The following PLA2G6 variants were observed in gnomAD, a reference collection of about 807,000 sequenced individuals.
PLA2G6 encodes the protein phospholipase A2 group VI.
A neutral mutation model predicts 83.8 loss-of-function variants in PLA2G6; 62 were observed. The ratio of observed to expected loss-of-function variants is 0.74; its 90% CI spans 0.60 to 0.91. PLA2G6 has a LOEUF of 0.91. Ranked by LOEUF, PLA2G6 falls within the 40% of genes least tolerant of loss-of-function variation. The pLI, the probability that PLA2G6 is intolerant of heterozygous loss-of-function variation, is 0.00. For missense variants in PLA2G6, 944 were observed against 1,102.0 expected, an observed-to-expected ratio of 0.86 and a Z score of 2.03; for synonymous variants, 417 against 449.8, an observed-to-expected ratio of 0.93 and a Z score of 0.92.
Position 38,116,349 on chromosome 22 carries a change from G to A in PLA2G6, c.1743-138C>T, listed in dbSNP as rs768145437. ...GTTCGGGATAGGTGGGCTTCTCCCC[G>A]CACCATCCCCGCAAAACAGGCTCTC... On this transcript the variant is annotated intron_variant, in intron 12 of 16. Coordinates refer to ENST00000332509, the MANE Select transcript of PLA2G6 (RefSeq NM_003560.4). 3.9e-5 allele frequency: 36 copies of A among 932,130 alleles called. No homozygotes were observed. In the African/African-American group the frequency reaches 4.1e-4, roughly 11 times the overall value. The allele number at this position is 932,130 out of a possible 1,614,324, so 57.7% of individuals were successfully genotyped here. A position where few individuals can be genotyped will look rare whatever the true frequency, so the allele number is the denominator to read the frequency against.
At chr22:38,165,258 G>A (rs1250024966) in intron 2 of PLA2G6, among the ~76,000 whole-genome samples, 4 of 152,166 alleles carry the variant, frequency 2.6e-5, no homozygotes, top group Non-Finnish European at 5.9e-5. Context: ...TCTACGCCAG[G>A]CACCTGCTGG....
rs1165175973 is a variant in PLA2G6 at position 38,120,463 on chromosome 22, GGGCAGGGCAGAGCCAGGCAGGGCAGAGCC to G, written c.1742+267_1742+295del. The stretch of plus-strand genomic sequence containing the variant: ...CCAGGCAAGCCCCAGACCCCTGGCC[GGGCAGGGCAGAGCCAGGCAGGGCAGAGCC>G]GGCAGGGCAGAGCCGGGCAGGGCAG... On this transcript the variant is annotated intron_variant, in intron 12 of 16. Transcript: ENST00000332509. Among the ~76,000 whole-genome samples, 305 of 149,850 alleles carry G rather than the reference GGGCAGGGCAGAGCCAGGCAGGGCAGAGCC, an allele frequency of 2.0e-3. 1 individual carries two copies. Among genetic ancestry groups the G allele is most frequent in the African/African-American group, 7.1e-3 (291 of 41,074 alleles).
intron 9 of PLA2G6, chr22:38,126,767 C>T (rs1477308416): frequency 2.0e-5 from 8 of 409,462 alleles, no homozygotes; most frequent in South Asian, 4.4e-5. Context: ...AATACCCTTG[C>T]GTGTCCTCTT....
chr22:38,112,433 G>C (rs1482981518), intron 16 of PLA2G6, 71 bp downstream of exon 16: 1 of 1,501,616 alleles, frequency 6.7e-7, no homozygotes, highest in African/African-American at 1.4e-5. Context: ...CACTAGGGCT[G>C]GGAGGGGAAG....
rs121908680 is a variant in PLA2G6, at chr22:38,112,212, A to C, written c.2370T>G (p.Tyr790Ter). ...GCTTCTGGAACTCCTCGCGGTGCTCATAGATGTAGACCTCGGTCTCCCAGA... is the reference window on the plus strand; with the variant it reads ...GCTTCTGGAACTCCTCGCGGTGCTCCTAGATGTAGACCTCGGTCTCCCAGA... ...NALWETEVYI[Y>*]EHREEFQKLI... The change falls in exon 17 of 17, where the codon TAT becomes TAG. Residue 790 changes from tyrosine to a stop codon, truncating the protein, a stop_gained. Coordinates refer to ENST00000332509, the MANE Select transcript of PLA2G6 (RefSeq NM_003560.4). LOFTEE classifies it high-confidence loss of function. 1.2e-4 allele frequency: 197 copies of C among 1,609,764 alleles called. No individual in the cohort carries two copies. The highest frequency in any genetic ancestry group is 1.7e-4 in the Middle Eastern group (1 of 6,028).
chr22:38,152,640 C>T (rs946669043), intron 2 of PLA2G6, among the ~76,000 whole-genome samples: 1 of 152,160 alleles, frequency 6.6e-6, no homozygotes, highest in Non-Finnish European at 1.5e-5. Context: ...ACAAATAAAA[C>T]CTCTTTTCTA....
intron 5 of PLA2G6, chr22:38,139,336 A>G (rs1184691160): frequency 6.6e-6 from 1 of 152,200 alleles, no homozygotes; most frequent in Non-Finnish European, 1.5e-5. Context: ...GAGACCCCAA[A>G]GAGGGCTAAG....
Position 38,128,787 on chromosome 22 carries a change from G to C in PLA2G6, c.1187-357C>G, listed in dbSNP as rs956694183. ...TAAGTGATAGTTCAGGGTTCCAAAGGGACTAATGAGCCAGCCAGGGGGCAC... is the reference window on the plus strand; with the variant it reads ...TAAGTGATAGTTCAGGGTTCCAAAGCGACTAATGAGCCAGCCAGGGGGCAC... On this transcript the variant is annotated intron_variant, in intron 8 of 16. Coordinates refer to ENST00000332509, the MANE Select transcript of PLA2G6 (RefSeq NM_003560.4). The surrounding 1 kb of genome is among the most constrained non-coding windows in gnomAD (Gnocchi z 4.4). Among the ~76,000 whole-genome samples the C allele has an allele frequency of 1.2e-4, 19 of 152,228 alleles. No individual in the cohort carries two copies. The highest frequency in any genetic ancestry group is 3.9e-4 in the African/African-American group (16 of 41,452).
At chr22:38,115,920 C>T in intron 13 of PLA2G6, 155 bp downstream of exon 13, 3 of 1,451,816 alleles carry the variant, frequency 2.1e-6, no homozygotes, top group Admixed American at 2.0e-5. Context: ...TGACAGCTCC[C>T]CCGCAATCCC....
chr22:38,143,689 G>C, intron 3 of PLA2G6: 1 of 359,368 alleles, frequency 2.8e-6, no homozygotes, highest in Admixed American at 3.8e-5. Flanking sequence ...ATGGTGAGAT[G>C]AGACAGTGCT....
intron 1 of PLA2G6, among the ~76,000 whole-genome samples, chr22:38,176,760 G>A (rs1385570256): frequency 2.6e-5 from 4 of 152,154 alleles, no homozygotes; most frequent in East Asian, 1.9e-4. Flanking sequence ...AGGCGCAGCC[G>A]GGCGCGGTGG....
At chr22:38,170,255 A>G (rs998033867) in intron 1 of PLA2G6, among the ~76,000 whole-genome samples, 1 of 151,656 alleles carries the variant, frequency 6.6e-6, no homozygotes, top group African/African-American at 2.4e-5. Context: ...AACAAAATCA[A>G]TGTCCCCCCT....
In PLA2G6 at chr22:38,157,271, A is replaced by C. The variant is rs530870210; in HGVS notation, c.210-11618T>G. 3.3e-5 allele frequency among the ~76,000 whole-genome samples: 5 copies of C among 152,298 alleles called. 1 individual carries two copies. The South Asian group carries it at 1.0e-3, about 32-fold the overall frequency. On this transcript the variant is annotated intron_variant, in intron 2 of 16. Coordinates refer to ENST00000332509, the MANE Select transcript of PLA2G6 (RefSeq NM_003560.4). ...ACAAAAAAATCAGAAATGACAAAAG[A>C]GATATTACAACCAATATCACAGAAA...
At chr22:38,157,581 A>G (rs1011282474) in intron 2 of PLA2G6, among the ~76,000 whole-genome samples, 2 of 152,362 alleles carry the variant, frequency 1.3e-5, no homozygotes, top group East Asian at 3.9e-4. Context: ...AACAGAGGAG[A>G]GAAAACTTCC....
At chr22:38,178,083 C>A (rs1465411228) in intron 1 of PLA2G6, among the ~76,000 whole-genome samples, 1 of 152,178 alleles carries the variant, frequency 6.6e-6, no homozygotes. Context: ...CTCCGCTTGG[C>A]TGGACCACAG....
chr22:38,113,825 G>A (rs768195409), intron 14 of PLA2G6, 171 bp from the exon 15 acceptor site: 9 of 714,940 alleles, frequency 1.3e-5, no homozygotes, highest in Admixed American at 1.0e-4. Context: ...CCTCTTGCAC[G>A]TGACCCCAGA....
rs151108668 is a variant in PLA2G6, at chr22:38,123,139, G to A, written c.1547C>T (p.Ala516Val). 6.5e-6 allele frequency: 10 copies of A among 1,549,946 alleles called. No homozygotes were observed. Among genetic ancestry groups the A allele is most frequent in the African/African-American group, 1.4e-5 (1 of 73,104 alleles). Reference protein sequence around the residue: ...VATKDLFDWVAGTSTGGILAL... With the variant: ...VATKDLFDWVVGTSTGGILAL... ...CAGGATGCCTCCAGTGCTGGTGCCC[G>A]CCACCCAGTCAAACAGGTCCTTGGT... Residue 516 changes from alanine (A) to valine (V), a missense_variant, in exon 11 of 17, where the codon GCG (alanine) becomes GTG (valine). Ala to Val is a moderately conservative substitution (Grantham distance 64). Transcript: ENST00000332509. This position sits in a 1 kb window ranked among gnomAD's most constrained non-coding sequence, Gnocchi z 4.1.
chr22:38,140,465 A>G (rs1334933301), intron 4 of PLA2G6: 2 of 394,548 alleles, frequency 5.1e-6, no homozygotes, highest in African/African-American at 4.1e-5. Flanking sequence ...CTGAGATTGC[A>G]TCATTGCACT....
Position 38,156,612 on chromosome 22 carries a change from C to T in PLA2G6, c.210-10959G>A, listed in dbSNP as rs548939394. Among the ~76,000 whole-genome samples the T allele has an allele frequency of 3.2e-3, 492 of 152,118 alleles. 1 individual carries two copies. The highest frequency in any genetic ancestry group is 5.5e-3 in the Non-Finnish European group (375 of 68,012). On this transcript the variant is annotated intron_variant, in intron 2 of 16. Transcript: ENST00000332509. ...GGGACTACAGGCACCTGCCACCATG[C>T]CTGGCTAATTTTTTGTATTTTTAGT...
Sources: gnomAD v4.1 joint callset for allele counts (sites outside exome capture counted in the v4.1 genomes callset) on GRCh38, gnomAD v4.1.1 for gene constraint, Gnocchi (gnomAD v3.1) non-coding constraint, MANE v1.5 for transcripts, NCBI Gene and HGNC (gene_info 2026-07-23, HGNC 2026-07-21) for gene names.